Variants in CADPS2 observed in about 807,000 individuals in gnomAD.
The protein encoded by CADPS2 is calcium dependent secretion activator 2, also known as calcium-dependent secretion activator 2.
In CADPS2, 93 loss-of-function variants were observed where a neutral mutation model predicts 172.5. The ratio of observed to expected loss-of-function variants is 0.54; its 90% CI spans 0.46 to 0.64. The LOEUF (loss-of-function observed/expected upper bound fraction) is 0.64, where lower values mean the gene tolerates loss of function less well. Ranked by LOEUF, CADPS2 falls within the 30% of genes least tolerant of loss-of-function variation. The pLI is 0.00. For missense variants in CADPS2, 1,420 were observed against 1,565.9 expected (o/e 0.91, Z 1.57); for synonymous variants, 546 against 555.2 (o/e 0.98, Z 0.23).
chr7:122,482,274 C>A (rs762900183), intron 11 of CADPS2, among the ~76,000 whole-genome samples: 1 of 151,962 alleles, frequency 6.6e-6, no homozygotes, highest in Non-Finnish European at 1.5e-5. Context: ...CCTCACCAAC[C>A]GCAACCCTAC....
At chr7:122,511,273 A>ATTCC (rs16458) in intron 9 of CADPS2, among the ~76,000 whole-genome samples, 65,334 of 151,518 alleles carry the variant, frequency 0.43, 14,420 homozygotes, top group African/African-American at 0.53. Flanking sequence ...AAGTTTTACA[A>ATTCC]TTCCTTCATT....
intron 1 of CADPS2, among the ~76,000 whole-genome samples, chr7:122,795,292 T>C (rs1040561258): frequency 9.9e-5 from 15 of 151,946 alleles, no homozygotes; most frequent in East Asian, 3.9e-4. Flanking sequence ...ACTGACCCCA[T>C]AGAAATACAA....
intron 9 of CADPS2, among the ~76,000 whole-genome samples, chr7:122,511,086 A>G (rs966829190): frequency 1.3e-5 from 2 of 152,308 alleles, no homozygotes; most frequent in Non-Finnish European, 2.9e-5. Context: ...CAAATTCATT[A>G]TAGTTTGGTG....
At chr7:122,820,710 C>T (rs1183633175) in intron 1 of CADPS2, among the ~76,000 whole-genome samples, 1 of 134,052 alleles carries the variant, frequency 7.5e-6, no homozygotes, top group African/African-American at 2.9e-5. Flanking sequence ...CAGGCGCCCG[C>T]TACCACGCCC....
intron 29 of CADPS2, 72 bp from the exon 30 acceptor site, chr7:122,320,410 G>A: frequency 8.2e-7 from 1 of 1,217,224 alleles, no homozygotes; most frequent in East Asian, 2.7e-5. Context: ...TACTCAGTTG[G>A]CATTTCAAAA....
intron 27 of CADPS2, among the ~76,000 whole-genome samples, chr7:122,346,338 A>T (rs1306464777): frequency 6.6e-6 from 1 of 152,214 alleles, no homozygotes; most frequent in Non-Finnish European, 1.5e-5. Flanking sequence ...ACTGTACTCC[A>T]GCCTGGGCAA....
intron 9 of CADPS2, among the ~76,000 whole-genome samples, chr7:122,508,338 ACATT>A (rs932314484): frequency 1.1e-4 from 17 of 152,112 alleles, no homozygotes; most frequent in African/African-American, 3.9e-4. Flanking sequence ...AACAAAAACC[ACATT>A]CAAAGTGTCA....
At chr7:122,597,423 C>T (rs929452667) in intron 6 of CADPS2, among the ~76,000 whole-genome samples, 1 of 152,176 alleles carries the variant, frequency 6.6e-6, no homozygotes, top group East Asian at 1.9e-4. Flanking sequence ...CTACAGTGTA[C>T]ATGTTGAAAT....
intron 15 of CADPS2, among the ~76,000 whole-genome samples, chr7:122,442,193 G>A (rs2051443506): frequency 6.6e-6 from 1 of 152,230 alleles, no homozygotes; most frequent in South Asian, 2.1e-4. Context: ...TGAAATCAGT[G>A]TCAGACAAGG....
intron 2 of CADPS2, among the ~76,000 whole-genome samples, chr7:122,682,872 C>G (rs1047466197): frequency 1.3e-5 from 2 of 152,236 alleles, no homozygotes; most frequent in African/African-American, 4.8e-5. Flanking sequence ...TGGGTGGGAA[C>G]TCAGTGGCCT....
chr7:122,394,684 G>C (rs2044825000), intron 20 of CADPS2, among the ~76,000 whole-genome samples: 1 of 151,980 alleles, frequency 6.6e-6, no homozygotes, highest in South Asian at 2.1e-4. Context: ...CAGAGTAACT[G>C]CAATAGACTG....
intron 22 of CADPS2, among the ~76,000 whole-genome samples, chr7:122,391,458 A>G (rs777262287): frequency 6.6e-6 from 1 of 152,116 alleles, no homozygotes; most frequent in Non-Finnish European, 1.5e-5. Flanking sequence ...GGCTAAAATC[A>G]AGCGTTAAAT....
chr7:122,719,818 A>C (rs1202499105), intron 2 of CADPS2, among the ~76,000 whole-genome samples: 1 of 152,148 alleles, frequency 6.6e-6, no homozygotes, highest in Non-Finnish European at 1.5e-5. Context: ...ACTGAAAAAA[A>C]GGAAAAAATA....
chr7:122,747,638 A>G (rs1006731477), intron 1 of CADPS2, among the ~76,000 whole-genome samples: 1 of 152,160 alleles, frequency 6.6e-6, no homozygotes, highest in African/African-American at 2.4e-5. Context: ...AAGAAGCTAA[A>G]GCCCAGAGAA....
chr7:122,693,765 G>A (rs1394968434), intron 2 of CADPS2, among the ~76,000 whole-genome samples: 1 of 152,106 alleles, frequency 6.6e-6, no homozygotes, highest in African/African-American at 2.4e-5. Flanking sequence ...AGACCAGCCT[G>A]GGCAACATGG....
intron 4 of CADPS2, 121 bp from the exon 5 acceptor site, chr7:122,621,838 CCT>C: frequency 1.6e-6 from 1 of 637,662 alleles, no homozygotes; most frequent in Non-Finnish European, 2.7e-6. Context: ...ATATATCTAT[CCT>C]ACTTGAGTCA....
In CADPS2 at chr7:122,508,555, C is replaced by A. The variant is rs190110025; in HGVS notation, c.1542+4694G>T. Among the ~76,000 whole-genome samples the A allele has an allele frequency of 2.6e-3, 364 of 139,762 alleles. 3 individuals carry two copies. Among genetic ancestry groups the A allele is most frequent in the African/African-American group, 9.2e-3 (350 of 38,060 alleles). The allele number at this position is 139,762 out of a possible 152,430, so 91.7% of individuals were successfully genotyped here. On this transcript the variant is annotated intron_variant, in intron 9 of 29. Transcript: ENST00000449022. ...TCATGGCCTACTGCAGCCTTGAACT[C>A]CTGGCCTCAAGTGATTCTCCTGCTT...
At chr7:122,777,803 G>C (rs2093931562) in intron 1 of CADPS2, among the ~76,000 whole-genome samples, 1 of 152,090 alleles carries the variant, frequency 6.6e-6, no homozygotes, top group Admixed American at 6.5e-5. Context: ...GTGGAACTGT[G>C]AATCAATTAA....
intron 1 of CADPS2, among the ~76,000 whole-genome samples, chr7:122,818,008 G>A (rs1212414082): frequency 1.9e-5 from 2 of 103,572 alleles, no homozygotes; most frequent in African/African-American, 7.9e-5. Context: ...CCTTATTTCT[G>A]CACCCCATCC....
Sources: gnomAD v4.1 joint callset for allele counts (sites outside exome capture counted in the v4.1 genomes callset) on GRCh38, gnomAD v4.1.1 for gene constraint, MANE v1.5 for transcripts, NCBI Gene and HGNC (gene_info 2026-07-23, HGNC 2026-07-21) for gene names.